The following FSTL4 variants were observed in gnomAD, a reference collection of about 807,000 sequenced individuals.
FSTL4 encodes follistatin like 4.
FSTL4 carries 28 observed loss-of-function variants against 78.2 expected under a neutral mutation model. The observed-to-expected ratio is 0.36, with a 90% CI of 0.27 to 0.49. The LOEUF (loss-of-function observed/expected upper bound fraction) is 0.49. Ranked by LOEUF, FSTL4 falls within the 20% of genes least tolerant of loss-of-function variation. The pLI is 0.98. For missense variants in FSTL4, 922 were observed against 1,084.9 expected, an observed-to-expected ratio of 0.85 and a Z score of 2.11; for synonymous variants, 422 against 440.5, an observed-to-expected ratio of 0.96 and a Z score of 0.53.
intron 6 of FSTL4, among the ~76,000 whole-genome samples, chr5:133,276,491 AG>A (rs1343202191): frequency 6.6e-6 from 1 of 152,176 alleles, no homozygotes; most frequent in Non-Finnish European, 1.5e-5. Flanking sequence ...AAAGGCAGGG[AG>A]GGCCCTGTAG....
the FSTL4 span, among the ~76,000 whole-genome samples, chr5:133,662,808 G>A: frequency 6.6e-6 from 1 of 152,136 alleles, no homozygotes; most frequent in Non-Finnish European, 1.5e-5. Context: ...TGGCTGTGGG[G>A]CTGTGAGTCA....
At chr5:133,316,693 G>A (rs753453004) in intron 4 of FSTL4, 41 bp from the exon 5 acceptor site, 18 of 1,520,594 alleles carry the variant, frequency 1.2e-5, no homozygotes, top group Admixed American at 9.1e-5. Context: ...GACTTATCCC[G>A]TGGTCTTGAG....
At chr5:133,832,868 A>G in the FSTL4 span, among the ~76,000 whole-genome samples, 1 of 152,248 alleles carries the variant, frequency 6.6e-6, no homozygotes, top group African/African-American at 2.4e-5. Context: ...GCAGCCATAT[A>G]TAATAGTATC....
In FSTL4 at chr5:133,233,433, G is replaced by C; in HGVS notation, c.999C>G (p.His333Gln). ...ASGHEQLFQT[H>Q]VLQVNVPPVI... Reference sequence around the variant, plus strand: ...TTTACTAACCATTCACCTGCAGGACGTGGGTCTGGAACAGCTGCTCGTGGC... The same window carrying C: ...TTTACTAACCATTCACCTGCAGGACCTGGGTCTGGAACAGCTGCTCGTGGC... Residue 333 changes from histidine to glutamine, a missense_variant, in exon 8 of 16, where the codon CAC (histidine) becomes CAG (glutamine). Physicochemically the swap from His to Gln is conservative, Grantham distance 24 (BLOSUM62 0). Coordinates refer to ENST00000265342, the MANE Select transcript of FSTL4 (RefSeq NM_015082.2). The C allele has an allele frequency of 6.2e-7, 1 of 1,614,212 alleles. No homozygotes were observed. Among genetic ancestry groups the C allele is most frequent in the Non-Finnish European group, 8.5e-7 (1 of 1,180,040 alleles).
At position 133,385,163 on chromosome 5, in the gene FSTL4, C is replaced by T. The variant is rs182654767; in HGVS notation, c.409+15575G>A. ...TCTTGGACCCCCGCCACCGGGCCCTCGACTAGGCCTGGTACACAGCAGGCA... is the reference window on the plus strand; with the variant it reads ...TCTTGGACCCCCGCCACCGGGCCCTTGACTAGGCCTGGTACACAGCAGGCA... On this transcript the variant is annotated intron_variant, in intron 4 of 15. Coordinates refer to ENST00000265342, the MANE Select transcript of FSTL4 (RefSeq NM_015082.2). Among the ~76,000 whole-genome samples the T allele has an allele frequency of 8.7e-4, 132 of 152,334 alleles. 1 individual carries two copies. Among genetic ancestry groups the T allele is most frequent in the African/African-American group, 3.0e-3 (126 of 41,576 alleles).
chr5:133,399,978 G>A (rs1404550610), intron 4 of FSTL4, among the ~76,000 whole-genome samples: 2 of 152,234 alleles, frequency 1.3e-5, no homozygotes, highest in East Asian at 1.9e-4. Context: ...AACCCAGGAT[G>A]TGCATTCTGA....
Position 133,240,005 on chromosome 5 carries a change from C to T in FSTL4, c.895-6468G>A, listed in dbSNP as rs192056627. Reference sequence around the variant, plus strand: ...TCAGAAGTGGCAACACGCTGGGATTCCTTTCCACGCAGTGGAAGCTTTGTT... The same window carrying T: ...TCAGAAGTGGCAACACGCTGGGATTTCTTTCCACGCAGTGGAAGCTTTGTT... On this transcript the variant is annotated intron_variant, in intron 7 of 15. Transcript: ENST00000265342. Among the ~76,000 whole-genome samples, 143 of 152,344 alleles carry T rather than the reference C, an allele frequency of 9.4e-4. 1 individual carries two copies. The highest frequency in any genetic ancestry group is 3.2e-3 in the African/African-American group (134 of 41,582).
intron 4 of FSTL4, among the ~76,000 whole-genome samples, chr5:133,394,223 G>T (rs974782125): frequency 6.6e-6 from 1 of 152,236 alleles, no homozygotes; most frequent in East Asian, 1.9e-4. Flanking sequence ...CACTCTTGGC[G>T]CCTCCTCAGC....
chr5:133,266,767 C>T (rs1752651696), intron 6 of FSTL4: 1 of 152,414 alleles, frequency 6.6e-6, no homozygotes, highest in South Asian at 2.1e-4. Flanking sequence ...CTAGGACTCC[C>T]TCTTGGTCAG....
intron 3 of FSTL4, among the ~76,000 whole-genome samples, chr5:133,537,801 C>T (rs931446185): frequency 5.3e-5 from 8 of 151,286 alleles, no homozygotes; most frequent in Non-Finnish European, 8.9e-5. Context: ...TATATATACA[C>T]ACACACACAC....
At chr5:133,484,467 A>G (rs543163446) in intron 3 of FSTL4, among the ~76,000 whole-genome samples, 2 of 152,348 alleles carry the variant, frequency 1.3e-5, no homozygotes, top group East Asian at 3.9e-4. Context: ...ACTAGCCCAC[A>G]TGAGAGAAAA....
chr5:133,523,812 A>T (rs911462626), intron 3 of FSTL4, among the ~76,000 whole-genome samples: 1 of 152,226 alleles, frequency 6.6e-6, no homozygotes, highest in African/African-American at 2.4e-5. Context: ...TACAATTGTA[A>T]ATTTGAAACA....
chr5:133,279,881 G>A (rs1438112226), intron 6 of FSTL4, among the ~76,000 whole-genome samples: 1 of 152,198 alleles, frequency 6.6e-6, no homozygotes, highest in Non-Finnish European at 1.5e-5. Flanking sequence ...CCGCTTACTG[G>A]TGTCCTTATG....
rs780713545 is a variant in FSTL4, at chr5:133,225,692, G to T, written c.1143C>A (p.Val381=). 6.2e-7 allele frequency: 1 copy of T among 1,610,568 alleles called. No homozygotes were observed. Among genetic ancestry groups the T allele is most frequent in the South Asian group, 1.1e-5 (1 of 90,414 alleles). ...RITWLKNGVD[V]STQMSKQLSL... ...AGAGCTGTTTGGACATCTGAGTTGAGACATCCACGCCGTTTTTCAGCCAAG... is the reference window on the plus strand; with the variant it reads ...AGAGCTGTTTGGACATCTGAGTTGATACATCCACGCCGTTTTTCAGCCAAG... The change falls in exon 9 of 16, where the codon GTC becomes GTA. Residue 381 remains valine, a synonymous_variant. Transcript: ENST00000265342. This position sits in a 1 kb window ranked among gnomAD's most constrained non-coding sequence, Gnocchi z 4.6.
At chr5:133,450,928 T>C (rs1757372618) in intron 3 of FSTL4, among the ~76,000 whole-genome samples, 1 of 151,818 alleles carries the variant, frequency 6.6e-6, no homozygotes, top group Admixed American at 6.6e-5. Context: ...TGTTCCCAGG[T>C]AGCCAGACTC....
chr5:133,382,944 AG>A (rs1320937954), intron 4 of FSTL4, among the ~76,000 whole-genome samples: 2 of 150,652 alleles, frequency 1.3e-5, no homozygotes, highest in Admixed American at 6.6e-5. Flanking sequence ...GAGAGAGAGA[AG>A]GGGGGTGGGA....
intron 3 of FSTL4, among the ~76,000 whole-genome samples, chr5:133,423,572 G>T (rs1756743287): frequency 6.6e-6 from 1 of 152,218 alleles, no homozygotes; most frequent in Non-Finnish European, 1.5e-5. Flanking sequence ...AGGCACAAAG[G>T]TGGCTGTGGT....
At chr5:133,593,474 C>T (rs887090255) in intron 2 of FSTL4, among the ~76,000 whole-genome samples, 4 of 152,088 alleles carry the variant, frequency 2.6e-5, no homozygotes, top group Admixed American at 6.5e-5. Flanking sequence ...GCATTCAGCA[C>T]TATGTCCATC....
At chr5:133,315,402 T>C (rs1561668343) in intron 5 of FSTL4, among the ~76,000 whole-genome samples, 1 of 152,250 alleles carries the variant, frequency 6.6e-6, no homozygotes, top group Admixed American at 6.5e-5. Context: ...TCTGTGTTTA[T>C]TAATCATAGG....
Sources: gnomAD v4.1 joint callset for allele counts (sites outside exome capture counted in the v4.1 genomes callset) on GRCh38, gnomAD v4.1.1 for gene constraint, Gnocchi (gnomAD v3.1) non-coding constraint, MANE v1.5 for transcripts, NCBI Gene and HGNC (gene_info 2026-07-23, HGNC 2026-07-21) for gene names.